Variants in PARN observed in about 807,000 individuals in gnomAD.
PARN encodes the protein poly(A)-specific ribonuclease PARN.
A neutral mutation model predicts 102.8 loss-of-function variants in PARN; 71 were observed. The observed-to-expected ratio is 0.69, with a 90% CI of 0.57 to 0.84. The LOEUF (loss-of-function observed/expected upper bound fraction) is 0.84. PARN is among the 40% of genes least tolerant of loss of function. The pLI is 0.00. For synonymous variants in PARN, 261 were observed against 252.9 expected (o/e 1.03, Z -0.30); for missense variants, 782 against 760.9 (o/e 1.03, Z -0.33).
At chr16:14,520,287 A>C (rs1357885581) in intron 21 of PARN, among the ~76,000 whole-genome samples, 3 of 152,226 alleles carry the variant, frequency 2.0e-5, no homozygotes, top group African/African-American at 7.2e-5. Context: ...TGGCCCTTAT[A>C]TGAATCTTGA....
Position 14,617,584 on chromosome 16 carries a change from T to A in PARN, c.388+6A>T. 2 of 1,421,562 alleles carry A rather than the reference T, an allele frequency of 1.4e-6. No individual in the cohort carries two copies. The highest frequency in any genetic ancestry group is 1.1e-5 in the South Asian group (1 of 87,200). 88.1% of individuals were successfully genotyped at this position (1,421,562 alleles called of 1,614,324 possible). On this transcript the variant is annotated splice_donor_region_variant and intron_variant, in intron 6 of 23. Transcript: ENST00000437198. ...AGCTCTAAAGATAGGTTACCCATAA[T>A]CTTACCATTTCGAAAAACTTTATTA...
intron 21 of PARN, among the ~76,000 whole-genome samples, chr16:14,546,186 T>C (rs1966928610): frequency 6.6e-6 from 1 of 152,252 alleles, no homozygotes; most frequent in South Asian, 2.1e-4. Flanking sequence ...AGTTCAAAGT[T>C]ATAAGCAGCC....
intron 22 of PARN, among the ~76,000 whole-genome samples, chr16:14,457,779 C>T (rs1489081659): frequency 2.8e-5 from 3 of 105,388 alleles, no homozygotes; most frequent in African/African-American, 1.1e-4. Context: ...GCCTGGGGGA[C>T]ACAGTGAGAC....
intron 22 of PARN, among the ~76,000 whole-genome samples, chr16:14,459,805 T>C (rs1322547080): frequency 1.3e-5 from 2 of 152,174 alleles, no homozygotes; most frequent in Non-Finnish European, 2.9e-5. Flanking sequence ...AACAGACATA[T>C]AGATCAATGG....
At chr16:14,481,661 T>C (rs1025925704) in intron 22 of PARN, among the ~76,000 whole-genome samples, 2 of 152,248 alleles carry the variant, frequency 1.3e-5, no homozygotes, top group African/African-American at 2.4e-5. Context: ...TAAAAAACCA[T>C]TTTTAAAGTA....
At chr16:14,538,354 G>C (rs995110252) in intron 21 of PARN, among the ~76,000 whole-genome samples, 1 of 151,880 alleles carries the variant, frequency 6.6e-6, no homozygotes, top group African/African-American at 2.4e-5. Flanking sequence ...AAGTAACTGG[G>C]ACTACAGGTG....
chr16:14,514,026 G>T (rs1965334168), intron 21 of PARN, among the ~76,000 whole-genome samples: 1 of 152,134 alleles, frequency 6.6e-6, no homozygotes, highest in South Asian at 2.1e-4. Flanking sequence ...GATTGTTGTA[G>T]GCACAGGGGA....
At chr16:14,621,130 C>T (rs933681656) in intron 5 of PARN, among the ~76,000 whole-genome samples, 4 of 152,188 alleles carry the variant, frequency 2.6e-5, no homozygotes, top group Non-Finnish European at 5.9e-5. Flanking sequence ...CCTACCCCCA[C>T]TTCTTTTTTA....
At chr16:14,543,785 C>T (rs1246259205) in intron 21 of PARN, among the ~76,000 whole-genome samples, 1 of 152,064 alleles carries the variant, frequency 6.6e-6, no homozygotes, top group Non-Finnish European at 1.5e-5. Context: ...AAGAACAAAA[C>T]ACAGAGAAAG....
chr16:14,572,156 C>A (rs1383618503), intron 18 of PARN, among the ~76,000 whole-genome samples: 2 of 152,090 alleles, frequency 1.3e-5, no homozygotes, highest in Non-Finnish European at 2.9e-5. Context: ...GAAGGTTAAG[C>A]GAGGGCTTCC....
chr16:14,516,373 G>A (rs1965456017), intron 21 of PARN, among the ~76,000 whole-genome samples: 1 of 152,038 alleles, frequency 6.6e-6, no homozygotes, highest in Non-Finnish European at 1.5e-5. Flanking sequence ...GCTCAATATT[G>A]CATGCTGAAA....
At chr16:14,568,219 T>C (rs1968552164) in intron 18 of PARN, among the ~76,000 whole-genome samples, 2 of 150,674 alleles carry the variant, frequency 1.3e-5, no homozygotes. Context: ...TTTACCTTTT[T>C]TTTTTTTTTT....
At chr16:14,567,945 G>C (rs1465315178) in intron 18 of PARN, among the ~76,000 whole-genome samples, 3 of 152,180 alleles carry the variant, frequency 2.0e-5, no homozygotes, top group Non-Finnish European at 4.4e-5. Context: ...TTCTTAAGAA[G>C]ATATCTAAAT....
At chr16:14,441,415 G>A (rs764032039) in intron 23 of PARN, among the ~76,000 whole-genome samples, 1 of 152,208 alleles carries the variant, frequency 6.6e-6, no homozygotes, top group Non-Finnish European at 1.5e-5. Flanking sequence ...TTTTCCAGGT[G>A]AATCCCAAAC....
At chr16:14,570,278 C>T (rs1324684645) in intron 18 of PARN, among the ~76,000 whole-genome samples, 2 of 119,390 alleles carry the variant, frequency 1.7e-5, no homozygotes, top group Non-Finnish European at 3.2e-5. Flanking sequence ...GGTGGTATCA[C>T]ACCACTGCGC....
chr16:14,468,166 G>A (rs947655837), intron 22 of PARN, among the ~76,000 whole-genome samples: 9 of 152,220 alleles, frequency 5.9e-5, no homozygotes, highest in Admixed American at 2.0e-4. Context: ...TAAAGAGCAT[G>A]AATGGGATTT....
intron 18 of PARN, among the ~76,000 whole-genome samples, chr16:14,573,812 C>T (rs1968955486): frequency 6.6e-6 from 1 of 152,180 alleles, no homozygotes; most frequent in Admixed American, 6.5e-5. Flanking sequence ...TGCCTTTTAC[C>T]TTCTATCATG....
chr16:14,461,052 G>A (rs1184327290), intron 22 of PARN, among the ~76,000 whole-genome samples: 2 of 152,114 alleles, frequency 1.3e-5, no homozygotes, highest in African/African-American at 2.4e-5. Flanking sequence ...ACTTCATCAC[G>A]GGTCTTCCAT....
chr16:14,486,933 T>A (rs1354643422), intron 21 of PARN, among the ~76,000 whole-genome samples: 1 of 152,250 alleles, frequency 6.6e-6, no homozygotes, highest in Non-Finnish European at 1.5e-5. Flanking sequence ...GGGAACCAAA[T>A]GTGCTAAGAG....
Sources: allele counts gnomAD v4.1 joint callset (sites outside exome capture counted in the v4.1 genomes callset), GRCh38; gene constraint gnomAD v4.1.1; transcripts MANE v1.5; gene names NCBI Gene and HGNC (gene_info 2026-07-23, HGNC 2026-07-21).